The following NEDD9 variants were observed in gnomAD, a reference collection of about 807,000 sequenced individuals.
The protein encoded by NEDD9 is neural precursor cell expressed, developmentally down-regulated 9.
A neutral mutation model predicts 76.6 loss-of-function variants in NEDD9; 26 were observed. That is an observed-to-expected ratio of 0.34 (90% CI 0.25 to 0.47). The LOEUF (loss-of-function observed/expected upper bound fraction) is 0.47, where lower values mean the gene tolerates loss of function less well. Ranked by LOEUF, NEDD9 falls within the 20% of genes least tolerant of loss-of-function variation. The pLI is 1.00. For synonymous variants in NEDD9, 392 were observed against 414.2 expected (o/e 0.95, Z 0.65); for missense variants, 937 against 1,058.5 (o/e 0.89, Z 1.59).
intron 2 of NEDD9, chr6:11,200,281 G>T: frequency 4.4e-6 from 2 of 457,992 alleles, no homozygotes; most frequent in Non-Finnish European, 8.8e-6. Flanking sequence ...CCTTGCACAG[G>T]CTGAAGACAT....
chr6:11,224,444 G>A (rs73437357), intron 1 of NEDD9, among the ~76,000 whole-genome samples: 1 of 152,128 alleles, frequency 6.6e-6, no homozygotes, highest in Non-Finnish European at 1.5e-5. Flanking sequence ...GGTCAGGGAA[G>A]CGGAGATAGC....
intron 1 of NEDD9, among the ~76,000 whole-genome samples, chr6:11,362,495 C>T (rs1762695659): frequency 6.6e-6 from 1 of 152,192 alleles, no homozygotes; most frequent in African/African-American, 2.4e-5. Flanking sequence ...CTACCATGAG[C>T]ACTTTGATTC....
At chr6:11,195,966 C>T (rs1004622948) in intron 2 of NEDD9, among the ~76,000 whole-genome samples, 1 of 151,904 alleles carries the variant, frequency 6.6e-6, no homozygotes, top group Non-Finnish European at 1.5e-5. Context: ...TGCACTCCAG[C>T]CTAGGCAAAA....
At chr6:11,232,012 A>T (rs1008587851) in intron 1 of NEDD9, among the ~76,000 whole-genome samples, 1 of 152,206 alleles carries the variant, frequency 6.6e-6, no homozygotes, top group South Asian at 2.1e-4. Flanking sequence ...TCTCCCACCA[A>T]AAGTGCATAT....
chr6:11,220,438 G>A (rs1270374498), intron 1 of NEDD9, among the ~76,000 whole-genome samples: 1 of 152,214 alleles, frequency 6.6e-6, no homozygotes, highest in Non-Finnish European at 1.5e-5. Flanking sequence ...GAGAAGGTTT[G>A]AGAAATGTGA....
intron 3 of NEDD9, among the ~76,000 whole-genome samples, chr6:11,278,582 T>C (rs1174570138): frequency 6.6e-6 from 1 of 152,234 alleles, no homozygotes; most frequent in African/African-American, 2.4e-5. Flanking sequence ...CAAAGGTTTA[T>C]ACACTAAAGC....
intron 2 of NEDD9, among the ~76,000 whole-genome samples, chr6:11,327,642 A>G (rs1761956779): frequency 6.6e-6 from 1 of 152,252 alleles, no homozygotes; most frequent in South Asian, 2.1e-4. Context: ...AAACACAGAC[A>G]GAGAAAGACG....
At chr6:11,314,566 T>C (rs1392848562) in intron 2 of NEDD9, among the ~76,000 whole-genome samples, 2 of 152,170 alleles carry the variant, frequency 1.3e-5, no homozygotes, top group Non-Finnish European at 2.9e-5. Context: ...ACAGCCTAGG[T>C]TCCTGATTTC....
chr6:11,336,508 T>C (rs900000734), intron 1 of NEDD9, among the ~76,000 whole-genome samples: 2 of 152,164 alleles, frequency 1.3e-5, no homozygotes, highest in African/African-American at 4.8e-5. Flanking sequence ...AGTATGAATA[T>C]GGATATAAAA....
chr6:11,303,659 A>G (rs1561823523), intron 3 of NEDD9, among the ~76,000 whole-genome samples: 1 of 152,198 alleles, frequency 6.6e-6, no homozygotes, highest in Non-Finnish European at 1.5e-5. Context: ...AACATCACAC[A>G]TCTACAACCA....
intron 1 of NEDD9, among the ~76,000 whole-genome samples, chr6:11,380,173 T>C (rs987119844): frequency 1.3e-5 from 2 of 152,234 alleles, no homozygotes; most frequent in Admixed American, 1.3e-4. Context: ...CAAATGGAGA[T>C]GGAGCTGATC....
chr6:11,337,172 C>T (rs2113515278), intron 1 of NEDD9, among the ~76,000 whole-genome samples: 1 of 152,294 alleles, frequency 6.6e-6, no homozygotes, highest in East Asian at 1.9e-4. Context: ...GAGCCCAGAT[C>T]ATGCCACTGC....
At chr6:11,278,004 G>C (rs1300495858) in intron 3 of NEDD9, among the ~76,000 whole-genome samples, 2 of 152,160 alleles carry the variant, frequency 1.3e-5, no homozygotes, top group Non-Finnish European at 2.9e-5. Flanking sequence ...CCAGCCAGCG[G>C]GAGGGAGGCT....
intron 2 of NEDD9, chr6:11,306,189 A>G (rs180779851): frequency 1.4e-6 from 1 of 694,650 alleles, no homozygotes; most frequent in East Asian, 2.6e-5. Context: ...AAAGGTTGGT[A>G]AGATCTGAAA....
intron 1 of NEDD9, among the ~76,000 whole-genome samples, chr6:11,220,954 T>C (rs1759123256): frequency 6.6e-6 from 1 of 152,212 alleles, no homozygotes; most frequent in South Asian, 2.1e-4. Context: ...GATTTGCATA[T>C]ATGTGTGTAT....
chr6:11,287,524 CCA>C (rs58610423), intron 3 of NEDD9, among the ~76,000 whole-genome samples: 6,789 of 148,150 alleles, frequency 0.046, 461 homozygotes, highest in African/African-American at 0.15. Flanking sequence ...GTGCACAAAT[CCA>C]CACACACACA....
chr6:11,195,850 C>T (rs566478355), intron 2 of NEDD9, among the ~76,000 whole-genome samples: 2 of 152,230 alleles, frequency 1.3e-5, no homozygotes. Context: ...TAAAATTAGC[C>T]GGGTGTGGTG....
intron 3 of NEDD9, among the ~76,000 whole-genome samples, chr6:11,287,326 G>C (rs1398104400): frequency 6.6e-6 from 1 of 152,202 alleles, no homozygotes; most frequent in Admixed American, 6.5e-5. Flanking sequence ...CGCTCAGGAG[G>C]CTGAGGCAGG....
chr6:11,329,125 C>T (rs1761984902), intron 2 of NEDD9, among the ~76,000 whole-genome samples: 1 of 152,206 alleles, frequency 6.6e-6, no homozygotes, highest in African/African-American at 2.4e-5. Context: ...AAGTGCTAAG[C>T]CCTCAAGAGG....
Sources: allele counts gnomAD v4.1 joint callset (sites outside exome capture counted in the v4.1 genomes callset), GRCh38; gene constraint gnomAD v4.1.1; transcripts MANE v1.5; gene names NCBI Gene and HGNC (gene_info 2026-07-23, HGNC 2026-07-21).